Variants in SPATA13 observed in about 807,000 individuals in gnomAD.
The protein encoded by SPATA13 is spermatogenesis associated 13.
A neutral mutation model predicts 104.0 loss-of-function variants in SPATA13; 50 were observed. The ratio of observed to expected loss-of-function variants is 0.48; its 90% CI spans 0.38 to 0.61. The LOEUF (loss-of-function observed/expected upper bound fraction) is 0.61. SPATA13 is among the 20% of genes least tolerant of loss of function. The pLI, the probability that SPATA13 is intolerant of heterozygous loss-of-function variation, is 0.00. For missense variants in SPATA13, 1,524 were observed against 1,690.6 expected (o/e 0.90, Z 1.73); for synonymous variants, 606 against 667.5 (o/e 0.91, Z 1.42).
At chr13:24,172,577 T>A (rs1204961442) in intron 1 of SPATA13, among the ~76,000 whole-genome samples, 1 of 152,274 alleles carries the variant, frequency 6.6e-6, no homozygotes, top group Non-Finnish European at 1.5e-5. Context: ...GGCCTGTAGA[T>A]GTCTAATTGC....
intron 2 of SPATA13, among the ~76,000 whole-genome samples, chr13:24,242,173 C>A (rs141342187): frequency 6.6e-6 from 1 of 152,054 alleles, no homozygotes; most frequent in African/African-American, 2.4e-5. Flanking sequence ...CATAGACGGC[C>A]AGTTAGGGGA....
chr13:24,089,355 G>C (rs1879842016), intron 3 of SPATA13, among the ~76,000 whole-genome samples: 1 of 152,136 alleles, frequency 6.6e-6, no homozygotes, highest in Non-Finnish European at 1.5e-5. Flanking sequence ...GCTCGGTTGT[G>C]GCAAAAACAA....
At chr13:24,217,962 C>T (rs945840197) in intron 1 of SPATA13, among the ~76,000 whole-genome samples, 2 of 152,170 alleles carry the variant, frequency 1.3e-5, no homozygotes, top group African/African-American at 4.8e-5. Context: ...TTGTGGTTCC[C>T]AAAACAGAGA....
intron 3 of SPATA13, among the ~76,000 whole-genome samples, chr13:24,153,575 G>A (rs933778798): frequency 1.3e-5 from 2 of 152,168 alleles, no homozygotes; most frequent in African/African-American, 2.4e-5. Flanking sequence ...GAGGACACGT[G>A]GTAGAGAGAA....
At chr13:24,233,570 T>A (rs1872396441) in intron 2 of SPATA13, among the ~76,000 whole-genome samples, 1 of 152,124 alleles carries the variant, frequency 6.6e-6, no homozygotes, top group African/African-American at 2.4e-5. Flanking sequence ...ACATCATGAG[T>A]CTAAATGTGA....
At chr13:24,194,144 A>G (rs1304368326) in intron 1 of SPATA13, among the ~76,000 whole-genome samples, 2 of 152,158 alleles carry the variant, frequency 1.3e-5, no homozygotes, top group African/African-American at 4.8e-5. Flanking sequence ...CCCTGCAGAC[A>G]TTGAGACACC....
At position 24,182,049 on chromosome 13, in the gene SPATA13, GTGTTGGAATTATTAAACTACT is replaced by G. The variant is rs1868851203; in HGVS notation, c.-112+21121_-112+21141del. ...GTAATAAATGTTTGAATAAAAAGTTGTGTTGGAATTATTAAACTACTTGTGGAAAACTCTTGTTTGGGGTAT... is the reference window on the plus strand; with the variant it reads ...GTAATAAATGTTTGAATAAAAAGTTGTGTGGAAAACTCTTGTTTGGGGTAT... On this transcript the variant is annotated intron_variant, in intron 1 of 12. Transcript: ENST00000382108. Among the ~76,000 whole-genome samples the G allele has an allele frequency of 1.3e-5, 2 of 152,208 alleles. 1 individual carries two copies. The highest frequency in any genetic ancestry group is 4.1e-4 in the South Asian group (2 of 4,830).
chr13:24,267,522 C>T (rs1054392225), intron 4 of SPATA13, among the ~76,000 whole-genome samples: 5 of 151,904 alleles, frequency 3.3e-5, no homozygotes, highest in Admixed American at 6.6e-5. Context: ...TACCGGATGC[C>T]GATGAAAAGT....
chr13:24,006,673 A>G lies in SPATA13; in HGVS notation c.-146-10994A>G, dbSNP rs559357870. On this transcript the variant is annotated intron_variant, in intron 2 of 14. Coordinates refer to the SPATA13 transcript ENST00000424834. ...AGTTGTCTTAGGGGCCTGCACGGCT[A>G]TGGTCCCATTTTAAGAGCTGGGGAG... Among the ~76,000 whole-genome samples the G allele has an allele frequency of 4.6e-5, 7 of 152,250 alleles. No individual in the cohort carries two copies. The South Asian group carries it at 1.5e-3, about 32-fold the overall frequency.
rs182255863 is a variant in SPATA13 at position 24,286,402 on chromosome 13, G to C, written c.2481+9G>C. 1.9e-6 allele frequency: 3 copies of C among 1,608,760 alleles called. No individual in the cohort carries two copies. In the East Asian group the frequency reaches 6.7e-5, roughly 36 times the overall value. On this transcript the variant is annotated intron_variant, in intron 6 of 12. Coordinates refer to ENST00000382108, the MANE Select transcript of SPATA13 (RefSeq NM_001166271.3). This position sits in a 1 kb window ranked among gnomAD's most constrained non-coding sequence, Gnocchi z 4.9. The stretch of plus-strand genomic sequence containing the variant: ...CCGCGAGCTTCGTCAGAGTAAGTGT[G>C]GGGTGCTTGCAGCTTTTCCAAAGTA...
At chr13:24,193,643 G>A (rs1020981202) in intron 1 of SPATA13, among the ~76,000 whole-genome samples, 3 of 152,224 alleles carry the variant, frequency 2.0e-5, no homozygotes, top group Non-Finnish European at 2.9e-5. Context: ...AGCCTGGAGA[G>A]GAATCAGTGG....
intron 3 of SPATA13, among the ~76,000 whole-genome samples, chr13:24,076,888 G>C (rs1042308858): frequency 2.6e-5 from 4 of 151,772 alleles, no homozygotes; most frequent in African/African-American, 2.4e-5. Context: ...TTGGATTCAC[G>C]GCCAGATGGG....
chr13:24,028,275 C>G (rs1167417089), intron 3 of SPATA13, among the ~76,000 whole-genome samples: 1 of 152,212 alleles, frequency 6.6e-6, no homozygotes, highest in Non-Finnish European at 1.5e-5. Flanking sequence ...CCATAGTACA[C>G]TCTTCCAAAA....
At chr13:24,030,463 C>A (rs1454184265) in intron 3 of SPATA13, among the ~76,000 whole-genome samples, 2 of 152,166 alleles carry the variant, frequency 1.3e-5, no homozygotes, top group African/African-American at 2.4e-5. Context: ...TCTCTGAGGG[C>A]ACAGCCTTGA....
chr13:24,187,766 C>T (rs1869245880), intron 1 of SPATA13, among the ~76,000 whole-genome samples: 1 of 152,164 alleles, frequency 6.6e-6, no homozygotes, highest in African/African-American at 2.4e-5. Flanking sequence ...TTGACTGCTT[C>T]ACTGCTGGCC....
chr13:24,152,469 G>C (rs73166306), intron 3 of SPATA13, among the ~76,000 whole-genome samples: 11,103 of 152,226 alleles, frequency 0.073, 550 homozygotes, highest in Middle Eastern at 0.11. Context: ...TGTGTGTAAC[G>C]ACCTCCTCTT....
intron 3 of SPATA13, among the ~76,000 whole-genome samples, chr13:24,097,716 A>T (rs1354187351): frequency 6.6e-6 from 1 of 152,216 alleles, no homozygotes; most frequent in East Asian, 1.9e-4. Flanking sequence ...GAGGGAACCA[A>T]CCGGGTACCT....
intron 5 of SPATA13, among the ~76,000 whole-genome samples, chr13:24,285,698 T>G (rs552107753): frequency 1.2e-4 from 17 of 138,114 alleles, no homozygotes; most frequent in African/African-American, 4.4e-4. Flanking sequence ...TTTTTTTTTT[T>G]GAGACAGAGT....
chr13:24,243,771 CT>C (rs1872971701), intron 2 of SPATA13, among the ~76,000 whole-genome samples: 1 of 152,168 alleles, frequency 6.6e-6, no homozygotes, highest in Admixed American at 6.5e-5. Flanking sequence ...ACCTTGACCC[CT>C]GTATGTGAAT....
Sources: allele counts gnomAD v4.1 joint callset (sites outside exome capture counted in the v4.1 genomes callset), GRCh38; gene constraint gnomAD v4.1.1; non-coding constraint Gnocchi (gnomAD v3.1); transcripts MANE v1.5; gene names NCBI Gene and HGNC (gene_info 2026-07-23, HGNC 2026-07-21).